TTC39B: variants seen among roughly 807,000 people sequenced by gnomAD.
TTC39B encodes tetratricopeptide repeat protein 39B.
In TTC39B, 92 loss-of-function variants were observed where a neutral mutation model predicts 96.6. The observed-to-expected ratio is 0.95, with a 90% CI of 0.80 to 1.13. The LOEUF is 1.13. TTC39B is among the 50% of genes most tolerant of loss of function. The pLI is 0.00. For synonymous variants in TTC39B, 367 were observed against 299.4 expected (o/e 1.23, Z -2.33); for missense variants, 955 against 809.3 (o/e 1.18, Z -2.18).
chr9:15,217,064 G>C (rs1293772165), intron 3 of TTC39B, among the ~76,000 whole-genome samples: 1 of 152,150 alleles, frequency 6.6e-6, no homozygotes, highest in Non-Finnish European at 1.5e-5. Flanking sequence ...GAGGGCAGAG[G>C]GGGGATTCTA....
chr9:15,225,819 T>G (rs1026627804), intron 3 of TTC39B, 98 bp downstream of exon 3: 11 of 1,108,748 alleles, frequency 9.9e-6, no homozygotes, highest in Non-Finnish European at 1.4e-5. Flanking sequence ...CATTGGTTTG[T>G]CAAACGCAAT....
At chr9:15,214,352 G>GA in intron 3 of TTC39B, 103 bp from the exon 4 acceptor site, 1 of 771,056 alleles carries the variant, frequency 1.3e-6, no homozygotes, top group Non-Finnish European at 2.1e-6. Context: ...GTGTGTCTGT[G>GA]TGTGTGTGTC....
At chr9:15,199,526 G>C (rs1320172757) in intron 8 of TTC39B, among the ~76,000 whole-genome samples, 1 of 151,716 alleles carries the variant, frequency 6.6e-6, no homozygotes, top group East Asian at 1.9e-4. Context: ...ACGAGGTCAG[G>C]AGATCGAGAC....
exon 20 of TTC39B, chr9:15,165,918 T>A (rs1817509840): frequency 6.6e-6 from 1 of 152,154 alleles, no homozygotes; most frequent in Non-Finnish European, 1.5e-5. Context: ...AAAAATGAAA[T>A]AATATTCTTT....
intron 2 of TTC39B, 107 bp downstream of exon 2, chr9:15,267,807 T>C: frequency 1.1e-6 from 1 of 896,036 alleles, no homozygotes; most frequent in Middle Eastern, 3.3e-4. Flanking sequence ...TTTCTGAAAA[T>C]AGCCATTGCC....
chr9:15,280,861 A>G (rs987305324), intron 1 of TTC39B, among the ~76,000 whole-genome samples: 1 of 152,204 alleles, frequency 6.6e-6, no homozygotes. Context: ...TGCCTCTCTC[A>G]GGGCTCCCCC....
chr9:15,179,788 A>T (rs1818149574), intron 17 of TTC39B, among the ~76,000 whole-genome samples: 1 of 152,220 alleles, frequency 6.6e-6, no homozygotes. Context: ...TTGTTGAGGA[A>T]CAGACGTAAC....
At chr9:15,204,961 T>C (rs534838747) in intron 6 of TTC39B, among the ~76,000 whole-genome samples, 1 of 152,308 alleles carries the variant, frequency 6.6e-6, no homozygotes, top group South Asian at 2.1e-4. Flanking sequence ...CATACACAAG[T>C]CAGCAGATTC....
intron 2 of TTC39B, among the ~76,000 whole-genome samples, chr9:15,244,016 A>G (rs1482018569): frequency 6.6e-6 from 1 of 152,254 alleles, no homozygotes; most frequent in East Asian, 1.9e-4. Flanking sequence ...CCATAGTCAT[A>G]GCAAATTACT....
intron 13 of TTC39B, among the ~76,000 whole-genome samples, chr9:15,189,047 T>A (rs2219753): frequency 0.42 from 63,061 of 151,870 alleles, 14,775 homozygotes; most frequent in East Asian, 0.66. Context: ...TTGTAAACAG[T>A]GAAAAAAAAA....
At chr9:15,267,777 T>A (rs1181639059) in intron 2 of TTC39B, 137 bp downstream of exon 2, 3 of 661,156 alleles carry the variant, frequency 4.5e-6, no homozygotes, top group Non-Finnish European at 7.7e-6. Flanking sequence ...CCTCTTTAAT[T>A]ATAGAAAAGT....
At chr9:15,250,491 A>G (rs1396963244) in intron 2 of TTC39B, among the ~76,000 whole-genome samples, 1 of 152,202 alleles carries the variant, frequency 6.6e-6, no homozygotes, top group Non-Finnish European at 1.5e-5. Context: ...CAGATTTTAT[A>G]TCATGGACTT....
intron 1 of TTC39B, among the ~76,000 whole-genome samples, chr9:15,291,648 T>C (rs761190968): frequency 6.6e-6 from 1 of 152,206 alleles, no homozygotes; most frequent in Admixed American, 6.5e-5. Context: ...ATGTTTAAGT[T>C]CCTGCTAGAA....
chr9:15,249,997 T>C (rs931351917), intron 2 of TTC39B: 7 of 1,288,510 alleles, frequency 5.4e-6, no homozygotes, highest in Admixed American at 2.3e-5. Flanking sequence ...CTACCAGATT[T>C]TTTTTTAAGC....
chr9:15,197,452 T>C (rs1284434697), intron 8 of TTC39B, among the ~76,000 whole-genome samples: 2 of 152,202 alleles, frequency 1.3e-5, no homozygotes, highest in Non-Finnish European at 2.9e-5. Context: ...CCTCTTAAAA[T>C]ACTAAATTTT....
intron 1 of TTC39B, among the ~76,000 whole-genome samples, chr9:15,272,748 C>A (rs953530253): frequency 6.6e-6 from 1 of 152,214 alleles, no homozygotes; most frequent in African/African-American, 2.4e-5. Context: ...CTCTGTACTT[C>A]ATGGACTCTT....
chr9:15,285,724 G>A (rs541079940), intron 1 of TTC39B, among the ~76,000 whole-genome samples: 22 of 152,128 alleles, frequency 1.4e-4, no homozygotes, highest in Middle Eastern at 3.4e-3. Flanking sequence ...GCTTGGTGGC[G>A]GGCGCCTGTA....
At chr9:15,250,280 C>T in intron 2 of TTC39B, 3 of 904,628 alleles carry the variant, frequency 3.3e-6, no homozygotes, top group Non-Finnish European at 4.0e-6. Context: ...AATTCTAATC[C>T]ATCACTGTTT....
intron 2 of TTC39B, among the ~76,000 whole-genome samples, chr9:15,246,138 G>A (rs201645778): frequency 3.5e-4 from 53 of 152,170 alleles, no homozygotes; most frequent in African/African-American, 1.2e-3. Flanking sequence ...CTGTAATCCC[G>A]GCTACTAGGG....
Sources: allele counts gnomAD v4.1 joint callset (sites outside exome capture counted in the v4.1 genomes callset), GRCh38; gene constraint gnomAD v4.1.1; transcripts MANE v1.5; gene names NCBI Gene and HGNC (gene_info 2026-07-23, HGNC 2026-07-21).